The following SRL variants were observed in gnomAD, a reference collection of about 807,000 sequenced individuals.
SRL encodes sarcalumenin.
A neutral mutation model predicts 39.5 loss-of-function variants in SRL; 23 were observed. That is an observed-to-expected ratio of 0.58 (90% confidence interval 0.42 to 0.82). SRL has a LOEUF of 0.82. SRL is among the 40% of genes least tolerant of loss of function. The pLI, the probability that SRL is intolerant of heterozygous loss-of-function variation, is 0.00. For missense variants in SRL, 592 were observed against 607.8 expected, an observed-to-expected ratio of 0.97 and a Z score of 0.27; for synonymous variants, 272 against 237.4, an observed-to-expected ratio of 1.15 and a Z score of -1.34.
intron 1 of SRL, among the ~76,000 whole-genome samples, chr16:4,215,593 A>T (rs923839853): frequency 6.6e-6 from 1 of 152,156 alleles, no homozygotes; most frequent in Non-Finnish European, 1.5e-5. Flanking sequence ...TCAGCTCTCT[A>T]TGGACGCTCT....
chr16:4,238,434 T>A (rs555944125), intron 1 of SRL, among the ~76,000 whole-genome samples: 1 of 152,140 alleles, frequency 6.6e-6, no homozygotes, highest in Non-Finnish European at 1.5e-5. Context: ...AGCTAGATGC[T>A]ACCGGCCTCA....
intron 5 of SRL, among the ~76,000 whole-genome samples, chr16:4,194,046 A>T (rs559312607): frequency 6.6e-6 from 1 of 152,258 alleles, no homozygotes; most frequent in South Asian, 2.1e-4. Flanking sequence ...TTGGAGTTGT[A>T]ACCATAAACT....
At chr16:4,215,708 G>A (rs1006168215) in intron 1 of SRL, among the ~76,000 whole-genome samples, 1 of 152,116 alleles carries the variant, frequency 6.6e-6, no homozygotes, top group Non-Finnish European at 1.5e-5. Context: ...TAGGCTGGAC[G>A]CAGTGGCTCT....
At position 4,192,202 on chromosome 16, in the gene SRL, T is replaced by C. The variant is rs1445155621; in HGVS notation, c.1373A>G (p.Asp458Gly). Residue 458 changes from aspartate to glycine, a missense_variant, in exon 6 of 6, where the codon GAC (aspartate) becomes GGC (glycine). Physicochemically the swap from Asp to Gly is moderately conservative, Grantham distance 94. Coordinates refer to ENST00000399609, the MANE Select transcript of SRL (RefSeq NM_001098814.2). This position sits in a 1 kb window ranked among gnomAD's most constrained non-coding sequence, Gnocchi z 4.0. ...TGGTGTTTCGCTACACCCTGTTTTG[T>C]CACAGTTGAGAGCACCTGGATTCTT... ...LGKNPGALNC[D>G]KTGCSETPKN... 4 of 1,588,552 alleles carry C rather than the reference T, an allele frequency of 2.5e-6. No individual in the cohort carries two copies. The East Asian group carries it at 8.9e-5, about 36-fold the overall frequency.
rs564673121 is a variant in SRL at position 4,201,238 on chromosome 16, C to T, written c.259+1928G>A. Among the ~76,000 whole-genome samples the T allele has an allele frequency of 2.6e-5, 4 of 151,938 alleles. No homozygotes were observed. In the South Asian group the frequency reaches 8.3e-4, roughly 32 times the overall value. On this transcript the variant is annotated intron_variant, in intron 3 of 5. Coordinates refer to ENST00000399609, the MANE Select transcript of SRL (RefSeq NM_001098814.2). Reference sequence around the variant, plus strand: ...AAATGATCCTCCTGCCTCAGCCTCCCGAGTAGCTGGGACCACAGGCGCATG... The same window carrying T: ...AAATGATCCTCCTGCCTCAGCCTCCTGAGTAGCTGGGACCACAGGCGCATG...
chr16:4,207,519 C>A (rs1292778959), intron 1 of SRL: 3 of 456,520 alleles, frequency 6.6e-6, no homozygotes, highest in Non-Finnish European at 1.3e-5. Context: ...GACCCCATCA[C>A]CCTCTGAGTG....
chr16:4,228,252 G>C (rs1351134342), intron 1 of SRL, among the ~76,000 whole-genome samples: 2 of 152,066 alleles, frequency 1.3e-5, no homozygotes, highest in Admixed American at 6.5e-5. Flanking sequence ...GCCTGGCCAA[G>C]ATGGTGAAAC....
intron 1 of SRL, among the ~76,000 whole-genome samples, chr16:4,234,188 C>G (rs1032473148): frequency 2.0e-5 from 3 of 152,286 alleles, no homozygotes; most frequent in African/African-American, 4.8e-5. Flanking sequence ...GAGACAAGAT[C>G]TCACTGTGTT....
chr16:4,220,869 C>T (rs2052521293), intron 1 of SRL, among the ~76,000 whole-genome samples: 1 of 150,858 alleles, frequency 6.6e-6, no homozygotes, highest in Admixed American at 6.6e-5. Context: ...TCCTATAGTC[C>T]CAGCTACTCA....
At chr16:4,231,249 G>C (rs2052657283) in intron 1 of SRL, among the ~76,000 whole-genome samples, 1 of 152,192 alleles carries the variant, frequency 6.6e-6, no homozygotes. Flanking sequence ...CCGGGAGGCA[G>C]AGATTGCAGT....
chr16:4,220,467 T>C (rs901607657), intron 1 of SRL, among the ~76,000 whole-genome samples: 2 of 151,530 alleles, frequency 1.3e-5, no homozygotes, highest in African/African-American at 4.9e-5. Context: ...CACACACACA[T>C]CTCATGTCTT....
intron 1 of SRL, among the ~76,000 whole-genome samples, chr16:4,228,529 A>T (rs1451711007): frequency 1.3e-5 from 2 of 151,866 alleles, no homozygotes; most frequent in African/African-American, 4.8e-5. Context: ...AGGTCAGGAG[A>T]TCGAGACCAT....
chr16:4,208,646 G>T (rs971746334), intron 1 of SRL, among the ~76,000 whole-genome samples: 13 of 152,318 alleles, frequency 8.5e-5, no homozygotes, highest in South Asian at 4.1e-4. Context: ...GTGTTTGCAG[G>T]CCGGATAATC....
At chr16:4,224,421 T>C (rs2052564609) in intron 1 of SRL, among the ~76,000 whole-genome samples, 1 of 151,916 alleles carries the variant, frequency 6.6e-6, no homozygotes, top group Non-Finnish European at 1.5e-5. Context: ...TAAGATAAAG[T>C]GAGGCCAGGC....
intron 4 of SRL, 151 bp from the exon 5 acceptor site, chr16:4,195,937 G>T: frequency 3.0e-6 from 2 of 659,164 alleles, no homozygotes; most frequent in Non-Finnish European, 5.1e-6. Flanking sequence ...TTTAATTGTG[G>T]TAAAACATAC....
chr16:4,200,396 G>A lies in SRL; in HGVS notation c.260-2481C>T, dbSNP rs572751343. On this transcript the variant is annotated intron_variant, in intron 3 of 5. Transcript: ENST00000399609. ...GGCCCTTTCCTGGTGCTGTGGTTTCGGCTCCTCACAGCAGGGGGCACCGCT... is the reference window on the plus strand; with the variant it reads ...GGCCCTTTCCTGGTGCTGTGGTTTCAGCTCCTCACAGCAGGGGGCACCGCT... 3.9e-5 allele frequency among the ~76,000 whole-genome samples: 6 copies of A among 152,296 alleles called. No individual in the cohort carries two copies. In the East Asian group the frequency reaches 1.2e-3, roughly 29 times the overall value.
chr16:4,206,628 C>CT (rs1010827819), intron 1 of SRL: 59 of 452,130 alleles, frequency 1.3e-4, no homozygotes, highest in African/African-American at 1.2e-3. Context: ...CTGCCACCCT[C>CT]TGCCACCTTC....
intron 1 of SRL, 31 bp from the exon 2 acceptor site, chr16:4,204,665 G>T: frequency 6.2e-7 from 1 of 1,600,706 alleles, no homozygotes. Flanking sequence ...CCAAGTGAGA[G>T]CAAAGCTAAC....
intron 1 of SRL, among the ~76,000 whole-genome samples, chr16:4,213,080 C>CCTTA (rs145175867): frequency 0.012 from 1,756 of 152,202 alleles, 35 homozygotes; most frequent in African/African-American, 0.041. Context: ...AATATATGAA[C>CCTTA]CTTAGTCTGG....
Sources: gnomAD v4.1 joint callset for allele counts (sites outside exome capture counted in the v4.1 genomes callset) on GRCh38, gnomAD v4.1.1 for gene constraint, Gnocchi (gnomAD v3.1) non-coding constraint, MANE v1.5 for transcripts, NCBI Gene and HGNC (gene_info 2026-07-23, HGNC 2026-07-21) for gene names.